PCMTD1: variants seen among roughly 807,000 people sequenced by gnomAD.
PCMTD1 encodes protein-L-isoaspartate (D-aspartate) O-methyltransferase domain containing 1, also known as protein-L-isoaspartate O-methyltransferase domain-containing protein 1.
PCMTD1 carries 12 observed loss-of-function variants against 37.6 expected under a neutral mutation model. The observed-to-expected ratio is 0.32, with a 90% CI of 0.20 to 0.52. The LOEUF is 0.52. Among genes scored for constraint, PCMTD1 ranks in the 20% least tolerant of loss-of-function variants. PCMTD1 has a pLI of 0.97. For missense variants in PCMTD1, 235 were observed against 421.3 expected, an observed-to-expected ratio of 0.56 and a Z score of 3.87; for synonymous variants, 117 against 135.8, an observed-to-expected ratio of 0.86 and a Z score of 0.96.
At position 51,848,089 on chromosome 8, in the gene PCMTD1, TG is replaced by T. The variant is rs201313457; in HGVS notation, c.308-2327del. On this transcript the variant is annotated intron_variant, in intron 2 of 5. Transcript: ENST00000522514. ...AACAGAGAGAGACCGTGGTTTTGTT[TG>T]TTTTAAAAGAAGAAAGAAAGAAAAA... is the stretch of plus-strand genomic sequence containing the variant. Among the ~76,000 whole-genome samples the T allele has an allele frequency of 7.7e-3, 1,160 of 151,438 alleles. 13 individuals are homozygous for T. Among genetic ancestry groups the T allele is most frequent in the African/African-American group, 0.027 (1,092 of 40,996 alleles).
chr8:51,838,652 A>T (rs965494514), intron 3 of PCMTD1, among the ~76,000 whole-genome samples: 1 of 152,198 alleles, frequency 6.6e-6, no homozygotes, highest in African/African-American at 2.4e-5. Flanking sequence ...AGAAAAAAAT[A>T]AACATTTTTC....
upstream of PCMTD1, chr8:51,899,061 A>G: frequency 6.7e-7 from 1 of 1,502,854 alleles, no homozygotes; most frequent in South Asian, 1.3e-5. Context: ...CGGACCCGCG[A>G]CTGGAGCAGC....
chr8:51,857,348 G>A (rs1028277113), intron 2 of PCMTD1, among the ~76,000 whole-genome samples: 1 of 152,192 alleles, frequency 6.6e-6, no homozygotes, highest in East Asian at 1.9e-4. Context: ...TAGGTGGGAT[G>A]AATCTGTGTA....
chr8:51,836,466 C>T (rs1455752783), intron 3 of PCMTD1, among the ~76,000 whole-genome samples: 1 of 134,148 alleles, frequency 7.5e-6, no homozygotes, highest in African/African-American at 2.5e-5. Flanking sequence ...ACAATCTTCC[C>T]TTTGAAACAT....
chr8:51,869,375 T>C (rs557527891), intron 1 of PCMTD1, among the ~76,000 whole-genome samples: 1 of 152,284 alleles, frequency 6.6e-6, no homozygotes, highest in African/African-American at 2.4e-5. Flanking sequence ...AACTTTGCTG[T>C]ATTGATCCGG....
rs1203756195 is a variant in PCMTD1 at position 51,841,164 on chromosome 8, T to C, written c.410+4497A>G. The stretch of plus-strand genomic sequence containing the variant: ...CTTTTTCTAACCCTCAGTTTTCTCA[T>C]CTGGGAAATGTGAACACCAATTAAT... On this transcript the variant is annotated intron_variant, in intron 3 of 5. Transcript: ENST00000522514. Among the ~76,000 whole-genome samples, 3 of 152,274 alleles carry C rather than the reference T, an allele frequency of 2.0e-5. No individual in the cohort carries two copies. The East Asian group carries it at 5.8e-4, about 29-fold the overall frequency.
intron 1 of PCMTD1, among the ~76,000 whole-genome samples, chr8:51,862,539 T>C (rs1261788548): frequency 6.6e-6 from 1 of 152,204 alleles, no homozygotes; most frequent in East Asian, 1.9e-4. Context: ...ATTCCTGAAT[T>C]AATAAATCAG....
At position 51,840,323 on chromosome 8, in the gene PCMTD1, T is replaced by G. The variant is rs545095629; in HGVS notation, c.410+5338A>C. On this transcript the variant is annotated intron_variant, in intron 3 of 5. Coordinates refer to ENST00000522514, the MANE Select transcript of PCMTD1 (RefSeq NM_052937.4). Reference sequence around the variant, plus strand: ...TAAAAATGTGTTTGAAGCCATGAAATTTTTCCCCATGCCATTTCTAACAGA... The same window carrying G: ...TAAAAATGTGTTTGAAGCCATGAAAGTTTTCCCCATGCCATTTCTAACAGA... 2.6e-5 allele frequency among the ~76,000 whole-genome samples: 4 copies of G among 152,258 alleles called. No homozygotes were observed. The East Asian group carries it at 5.8e-4, about 22-fold the overall frequency.
intron 1 of PCMTD1, among the ~76,000 whole-genome samples, chr8:51,875,707 G>C (rs887888451): frequency 4.6e-5 from 7 of 152,188 alleles, no homozygotes; most frequent in Non-Finnish European, 8.8e-5. Flanking sequence ...GGAAGCCAAG[G>C]AGGGAGGACA....
chr8:51,857,839 A>G (rs146374394), intron 2 of PCMTD1, among the ~76,000 whole-genome samples: 2 of 152,200 alleles, frequency 1.3e-5, no homozygotes, highest in East Asian at 3.9e-4. Context: ...TCTGAAGAAA[A>G]CTCAATACAA....
At chr8:51,899,175 AC>A (rs2129298189), upstream of PCMTD1, 1 of 1,297,046 alleles carries the variant, frequency 7.7e-7, no homozygotes, top group East Asian at 3.1e-5. Context: ...AGGCCGGGAG[AC>A]GCCCCCATCT....
chr8:51,828,598 G>A (rs925734769), intron 5 of PCMTD1, among the ~76,000 whole-genome samples: 1 of 152,114 alleles, frequency 6.6e-6, no homozygotes, highest in Admixed American at 6.5e-5. Flanking sequence ...AAGTAAGGTC[G>A]AACCATCCTA....
intron 5 of PCMTD1, among the ~76,000 whole-genome samples, chr8:51,822,960 G>A (rs2037870183): frequency 6.6e-6 from 1 of 152,282 alleles, no homozygotes; most frequent in Admixed American, 6.5e-5. Flanking sequence ...CTGTAATTAT[G>A]TTCTTCCTTT....
chr8:51,863,957 A>C (rs2038512968), intron 1 of PCMTD1, among the ~76,000 whole-genome samples: 1 of 151,880 alleles, frequency 6.6e-6, no homozygotes, highest in Non-Finnish European at 1.5e-5. Flanking sequence ...CAATCAAATG[A>C]CTGCATGGAT....
Position 51,829,071 on chromosome 8 carries a change from A to C in PCMTD1, c.706+2373T>G, listed in dbSNP as rs1436282177. Among the ~76,000 whole-genome samples, 3 of 152,336 alleles carry C rather than the reference A, an allele frequency of 2.0e-5. No individual in the cohort carries two copies. The East Asian group carries it at 5.8e-4, about 29-fold the overall frequency. On this transcript the variant is annotated intron_variant, in intron 5 of 5. Coordinates refer to ENST00000522514, the MANE Select transcript of PCMTD1 (RefSeq NM_052937.4). ...AGTATATTTGAAAAAACTGGTTGCTAACATTTTCTGAATTACGAAAGGTTG... is the reference window on the plus strand; with the variant it reads ...AGTATATTTGAAAAAACTGGTTGCTCACATTTTCTGAATTACGAAAGGTTG...
At chr8:51,878,748 C>G (rs745332109) in intron 1 of PCMTD1, among the ~76,000 whole-genome samples, 12 of 152,042 alleles carry the variant, frequency 7.9e-5, no homozygotes, top group Non-Finnish European at 1.5e-4. Context: ...AACCCTGTCT[C>G]AAAAACAAAT....
intron 3 of PCMTD1, among the ~76,000 whole-genome samples, chr8:51,834,135 T>C (rs749550637): frequency 4.5e-4 from 69 of 152,260 alleles, no homozygotes; most frequent in Admixed American, 2.0e-3. Context: ...CAGTTTGACA[T>C]TTTTGCTGAA....
chr8:51,861,749 T>G (rs1421425342), intron 1 of PCMTD1, among the ~76,000 whole-genome samples: 1 of 151,440 alleles, frequency 6.6e-6, no homozygotes, highest in Non-Finnish European at 1.5e-5. Flanking sequence ...TAAGATAAGG[T>G]CTCACTCTGT....
At chr8:51,897,189 ATTT>A (rs917225607) in intron 1 of PCMTD1, among the ~76,000 whole-genome samples, 1 of 152,220 alleles carries the variant, frequency 6.6e-6, no homozygotes, top group Non-Finnish European at 1.5e-5. Flanking sequence ...AACACAGTAC[ATTT>A]TTAATAAATA....
Sources: allele counts gnomAD v4.1 joint callset (sites outside exome capture counted in the v4.1 genomes callset), GRCh38; gene constraint gnomAD v4.1.1; transcripts MANE v1.5; gene names NCBI Gene and HGNC (gene_info 2026-07-23, HGNC 2026-07-21).